The following DNAH7 variants were observed in gnomAD, a reference collection of about 807,000 sequenced individuals.
The protein encoded by DNAH7 is axonemal beta dynein heavy chain 7.
DNAH7 carries 397 observed loss-of-function variants against 444.6 expected under a neutral mutation model. The observed-to-expected ratio is 0.89, with a 90% CI of 0.82 to 0.97. DNAH7 has a LOEUF of 0.97. Ranked by LOEUF, DNAH7 falls within the 50% of genes least tolerant of loss-of-function variation. The probability of loss-of-function intolerance (pLI) is 0.00; values close to 1 mark genes in which losing one functional copy is unlikely to be tolerated. For missense variants in DNAH7, 4,902 were observed against 4,800.8 expected, an observed-to-expected ratio of 1.02 and a Z score of -0.62; for synonymous variants, 1,636 against 1,624.4, an observed-to-expected ratio of 1.01 and a Z score of -0.17.
intron 54 of DNAH7, among the ~76,000 whole-genome samples, chr2:195,805,076 A>C (rs983113684): frequency 2.0e-5 from 3 of 152,170 alleles, no homozygotes; most frequent in Non-Finnish European, 4.4e-5. Context: ...ATATACTTTA[A>C]AAAGAGAGTG....
At chr2:195,963,118 G>A (rs1182113340) in intron 17 of DNAH7, among the ~76,000 whole-genome samples, 3 of 152,116 alleles carry the variant, frequency 2.0e-5, no homozygotes, top group Non-Finnish European at 4.4e-5. Flanking sequence ...CCTTTCTTTC[G>A]GGTATATACC....
At chr2:195,955,735 A>G (rs1215915628) in intron 19 of DNAH7, among the ~76,000 whole-genome samples, 1 of 152,176 alleles carries the variant, frequency 6.6e-6, no homozygotes, top group African/African-American at 2.4e-5. Flanking sequence ...TACATATTTA[A>G]AAAGAATTTA....
chr2:196,037,732 C>A (rs1696483809), intron 5 of DNAH7, among the ~76,000 whole-genome samples: 1 of 152,088 alleles, frequency 6.6e-6, no homozygotes, highest in Non-Finnish European at 1.5e-5. Context: ...GCCTGAGGGG[C>A]ATATGGGATA....
intron 1 of DNAH7, 140 bp downstream of exon 1, chr2:196,068,557 G>C (rs891170734): frequency 7.9e-6 from 9 of 1,138,790 alleles, no homozygotes; most frequent in Non-Finnish European, 1.1e-5. Flanking sequence ...AGTAACCCAG[G>C]CCACAAGTGG....
chr2:195,910,336 A>C lies in DNAH7; in HGVS notation c.3936-141T>G, dbSNP rs1687284078. ...ATTTCTTCCTTCCCAGTAACCTCTGAAAATCTCTGATAGTTCATTACTTTG... is the reference window on the plus strand; with the variant it reads ...ATTTCTTCCTTCCCAGTAACCTCTGCAAATCTCTGATAGTTCATTACTTTG... On this transcript the variant is annotated intron_variant, in intron 24 of 64. Transcript: ENST00000312428. 7.8e-6 allele frequency: 5 copies of C among 637,554 alleles called. No individual in the cohort carries two copies. The South Asian group carries it at 1.2e-4, about 16-fold the overall frequency. 39.5% of individuals were successfully genotyped at this position (637,554 alleles called of 1,614,324 possible).
chr2:195,983,803 A>G (rs1692728237), intron 15 of DNAH7, among the ~76,000 whole-genome samples: 2 of 152,210 alleles, frequency 1.3e-5, no homozygotes, highest in South Asian at 4.1e-4. Context: ...TAAACAAAAT[A>G]CAGCTTTTAT....
At chr2:195,876,444 A>C in intron 37 of DNAH7, 100 bp downstream of exon 37, 1 of 1,221,090 alleles carries the variant, frequency 8.2e-7, no homozygotes, top group East Asian at 2.4e-5. Flanking sequence ...ACATTAAAAA[A>C]CTATACAAAA....
chr2:195,994,738 T>C (rs1390378724), intron 12 of DNAH7: 1 of 473,958 alleles, frequency 2.1e-6, no homozygotes, highest in East Asian at 5.2e-5. Flanking sequence ...TTTTCAAATA[T>C]CTTGATACGT....
rs749977728 is a variant in DNAH7 at position 195,861,995 on chromosome 2, G to T, written c.7507-49C>A. ...GCATTTTATTAAGATTACGAATCTG[G>T]ATCTGCTACTACTGCAGCCCTTTAC... On this transcript the variant is annotated intron_variant, in intron 41 of 64. Transcript: ENST00000312428. 5 of 1,409,230 alleles carry T rather than the reference G, an allele frequency of 3.5e-6. No homozygotes were observed. In the South Asian group the frequency reaches 4.7e-5, roughly 13 times the overall value. The allele number at this position is 1,409,230 out of a possible 1,614,324, so 87.3% of individuals were successfully genotyped here. A position where few individuals can be genotyped will look rare whatever the true frequency, so the allele number is the denominator to read the frequency against.
intron 2 of DNAH7, 66 bp downstream of exon 2, chr2:196,057,988 G>A: frequency 8.1e-7 from 1 of 1,233,330 alleles, no homozygotes. Flanking sequence ...TTACTTTCAA[G>A]CTTGAAAAGT....
intron 52 of DNAH7, 58 bp downstream of exon 52, chr2:195,809,686 TA>T: frequency 1.4e-6 from 2 of 1,397,816 alleles, no homozygotes; most frequent in East Asian, 2.6e-5. Flanking sequence ...TACAAATTAA[TA>T]AATTAATGAA....
chr2:195,867,871 A>G (rs982125875), intron 40 of DNAH7, among the ~76,000 whole-genome samples: 4 of 152,226 alleles, frequency 2.6e-5, no homozygotes, highest in South Asian at 4.1e-4. Context: ...GGCTATTATA[A>G]ATAATTCTGC....
In DNAH7 at chr2:196,058,133, A is replaced by G; in HGVS notation, c.16-17T>C. On this transcript the variant is annotated splice_polypyrimidine_tract_variant and intron_variant, in intron 1 of 64. Coordinates refer to ENST00000312428, the MANE Select transcript of DNAH7 (RefSeq NM_018897.3). ...CGATTTATCCTGTATGAAAAACATG[A>G]AAAAACAAAACTGTTTACTCCGTTA... 1 of 1,566,644 alleles carries G rather than the reference A, an allele frequency of 6.4e-7. No homozygotes were observed.
chr2:195,978,516 A>G (rs1692348923), intron 15 of DNAH7, among the ~76,000 whole-genome samples: 1 of 152,158 alleles, frequency 6.6e-6, no homozygotes, highest in Non-Finnish European at 1.5e-5. Flanking sequence ...AAACAACCAG[A>G]AAACAAATGA....
chr2:195,851,700 T>C (rs1321316863), intron 46 of DNAH7, among the ~76,000 whole-genome samples: 1 of 152,144 alleles, frequency 6.6e-6, no homozygotes, highest in Admixed American at 6.5e-5. Context: ...CTCCAAGCAC[T>C]GGGTAAAGTG....
intron 54 of DNAH7, among the ~76,000 whole-genome samples, chr2:195,803,882 CT>C: frequency 6.6e-6 from 1 of 152,248 alleles, no homozygotes; most frequent in South Asian, 2.1e-4. Flanking sequence ...TGATATGTTT[CT>C]TTTGTCAATA....
chr2:195,809,813 G>C lies in DNAH7; in HGVS notation c.9820C>G (p.Leu3274Val). 6.3e-7 allele frequency: 1 copy of C among 1,599,264 alleles called. No homozygotes were observed. Among genetic ancestry groups the C allele is most frequent in the African/African-American group, 1.3e-5 (1 of 74,438 alleles). Residue 3274 changes from leucine to valine, a missense_variant, in exon 52 of 65, where the codon CTC (leucine) becomes GTC (valine). Physicochemically the swap from Leu to Val is conservative, Grantham distance 32 (BLOSUM62 1). Coordinates refer to ENST00000312428, the MANE Select transcript of DNAH7 (RefSeq NM_018897.3). ...YSLYVNVCRS[L>V]FEKDKLLFSF... Reference sequence around the variant, plus strand: ...AAGAGCAGCTTATCCTTTTCAAAGAGTGACCGGCAGACATTAACATACAGT... The same window carrying C: ...AAGAGCAGCTTATCCTTTTCAAAGACTGACCGGCAGACATTAACATACAGT...
At chr2:195,796,467 T>TA in intron 56 of DNAH7, 109 bp downstream of exon 56, 1 of 1,300,072 alleles carries the variant, frequency 7.7e-7, no homozygotes, top group South Asian at 1.5e-5. Flanking sequence ...GCCAAAGCAC[T>TA]AACCTGCAAC....
Position 195,746,384 on chromosome 2 carries a change from C to T in DNAH7, c.11765-5515G>A, listed in dbSNP as rs1330430757. Reference sequence around the variant, plus strand: ...TGACCTACAAAGAGACTTAGACTCCCACACAATAATAATGAGAGACTTTAA... The same window carrying T: ...TGACCTACAAAGAGACTTAGACTCCTACACAATAATAATGAGAGACTTTAA... On this transcript the variant is annotated intron_variant, in intron 63 of 64. Transcript: ENST00000312428. 2.0e-5 allele frequency among the ~76,000 whole-genome samples: 3 copies of T among 152,054 alleles called. No homozygotes were observed. The East Asian group carries it at 5.8e-4, about 29-fold the overall frequency.
Sources: allele counts gnomAD v4.1 joint callset (sites outside exome capture counted in the v4.1 genomes callset), GRCh38; gene constraint gnomAD v4.1.1; transcripts MANE v1.5; gene names NCBI Gene and HGNC (gene_info 2026-07-23, HGNC 2026-07-21).